The following LRRK2 variants were observed in gnomAD, a reference collection of about 807,000 sequenced individuals.
LRRK2 encodes leucine-rich repeat serine/threonine-protein kinase 2.
A neutral mutation model predicts 302.6 loss-of-function variants in LRRK2; 203 were observed. That is an observed-to-expected ratio of 0.67 (90% CI 0.60 to 0.75). The LOEUF (loss-of-function observed/expected upper bound fraction) is 0.75, where lower values mean the gene tolerates loss of function less well. LRRK2 is among the 30% of genes least tolerant of loss of function. The pLI is 0.00. For missense variants in LRRK2, 2,830 were observed against 2,951.0 expected (o/e 0.96, Z 0.95); for synonymous variants, 1,066 against 1,031.9 (o/e 1.03, Z -0.63).
intron 27 of LRRK2, chr12:40,304,345 A>G (rs777482051): frequency 1.5e-5 from 9 of 595,998 alleles, no homozygotes; most frequent in East Asian, 2.8e-5. Flanking sequence ...TTTAATTTCC[A>G]TTCTCACACC....
At chr12:40,291,196 G>A (rs920412121) in intron 20 of LRRK2, among the ~76,000 whole-genome samples, 5 of 150,996 alleles carry the variant, frequency 3.3e-5, no homozygotes, top group East Asian at 1.9e-4. Context: ...ACCAAACACC[G>A]CATGTTCTCA....
Position 40,253,031 on chromosome 12 carries a change from A to G in LRRK2, c.1288+15A>G. 1.3e-6 allele frequency: 2 copies of G among 1,521,060 alleles called. No individual in the cohort carries two copies. The highest frequency in any genetic ancestry group is 1.1e-5 in the South Asian group (1 of 89,092). 94.2% of individuals were successfully genotyped at this position (1,521,060 alleles called of 1,614,324 possible). ...AGAACAAAATGGTAAGCAGTGGGCC[A>G]TGTTTTCAAATAAAGGGAAACACAT... On this transcript the variant is annotated intron_variant, in intron 11 of 50. Coordinates refer to ENST00000298910, the MANE Select transcript of LRRK2 (RefSeq NM_198578.4).
In LRRK2 at chr12:40,283,892, C is replaced by A; in HGVS notation, c.2259C>A (p.Ser753Arg). 1 of 1,612,540 alleles carries A rather than the reference C, an allele frequency of 6.2e-7. No homozygotes were observed. The highest frequency in any genetic ancestry group is 8.5e-7 in the Non-Finnish European group (1 of 1,179,006). Residue 753 changes from serine to arginine, a missense_variant, in exon 19 of 51, where the codon AGC becomes AGA. Around this residue, in one of 3 missense-constraint regions of LRRK2, gnomAD observed 2,121 missense variants for 2,148.0 expected, o/e 0.99. Coordinates refer to ENST00000298910, the MANE Select transcript of LRRK2 (RefSeq NM_198578.4). ...SLICQVCEKE[S>R]SPKLVELLLN... ...TTTAATAGGTATGTGAGAAAGAGAG[C>A]AGTCCCAAATTGGTGGAACTCTTAC...
chr12:40,230,845 C>T (rs1253301115), intron 2 of LRRK2, among the ~76,000 whole-genome samples: 3 of 151,888 alleles, frequency 2.0e-5, no homozygotes, highest in Non-Finnish European at 2.9e-5. Flanking sequence ...GCAACTTAGT[C>T]AAGTTGGCAT....
intron 24 of LRRK2, among the ~76,000 whole-genome samples, chr12:40,298,887 T>TTATA (rs1555185394): frequency 2.3e-4 from 2 of 8,598 alleles, no homozygotes; most frequent in African/African-American, 4.2e-4. Flanking sequence ...TATATAATAC[T>TTATA]TATTATATAT....
intron 16 of LRRK2, 57 bp from the exon 17 acceptor site, chr12:40,277,831 G>A (rs1308418164): frequency 3.5e-6 from 5 of 1,443,086 alleles, no homozygotes; most frequent in South Asian, 2.4e-5. Flanking sequence ...GCTTTATACT[G>A]TTTATTCATT....
chr12:40,305,961 C>G lies in LRRK2; in HGVS notation c.3954C>G (p.Ile1318Met). 6.2e-7 allele frequency: 1 copy of G among 1,605,396 alleles called. No individual in the cohort carries two copies. Among genetic ancestry groups the G allele is most frequent in the Non-Finnish European group, 8.5e-7 (1 of 1,174,026 alleles). The change falls in exon 28 of 51, where the codon ATC becomes ATG. Residue 1318 changes from isoleucine to methionine, a missense_variant. By Grantham distance (10) the Ile-to-Met change is conservative. This residue lies in a region of LRRK2 where 2,121 missense variants were observed against 2,148.0 expected (regional missense o/e 0.99). Transcript: ENST00000298910. The stretch of plus-strand genomic sequence containing the variant: ...ATATAGGATGTAAAGCCAAAGACAT[C>G]ATAAGGTTAGATAATTTTTTTCTAT... ...FKHIGCKAKD[I>M]IRFLQQRLKK...
At chr12:40,247,280 A>G (rs561252181) in intron 7 of LRRK2, among the ~76,000 whole-genome samples, 1 of 152,028 alleles carries the variant, frequency 6.6e-6, no homozygotes, top group South Asian at 2.1e-4. Flanking sequence ...TACATGCACA[A>G]CTTTAGTTTG....
chr12:40,306,354 C>G (rs1944823864), intron 28 of LRRK2, among the ~76,000 whole-genome samples: 1 of 152,170 alleles, frequency 6.6e-6, no homozygotes, highest in Non-Finnish European at 1.5e-5. Flanking sequence ...CCTCTTACAT[C>G]TTAAAGCATT....
intron 46 of LRRK2, among the ~76,000 whole-genome samples, 191 bp from the exon 47 acceptor site, chr12:40,359,069 G>A (rs1946626329): frequency 1.3e-5 from 2 of 151,728 alleles, no homozygotes; most frequent in African/African-American, 4.8e-5. Context: ...TGTTGATTTT[G>A]AATCCTTTAC....
chr12:40,250,987 C>T (rs1436301835), intron 8 of LRRK2, among the ~76,000 whole-genome samples: 1 of 150,714 alleles, frequency 6.6e-6, no homozygotes, highest in African/African-American at 2.4e-5. Context: ...AAATAATCCT[C>T]CTCTCGTCTA....
intron 31 of LRRK2, chr12:40,312,685 C>G (rs911435806): frequency 2.6e-5 from 4 of 152,062 alleles, no homozygotes; most frequent in Admixed American, 2.6e-4. Context: ...TGACAATACT[C>G]CTTTTAATCT....
In LRRK2 at chr12:40,321,039, C is replaced by G; in HGVS notation, c.5021C>G (p.Ser1674Cys). 3 of 1,612,536 alleles carry G rather than the reference C, an allele frequency of 1.9e-6. No individual in the cohort carries two copies. Among genetic ancestry groups the G allele is most frequent in the South Asian group, 2.2e-5 (2 of 91,036 alleles). The change falls in exon 35 of 51, where the codon TCT becomes TGT. Residue 1674 changes from serine to cysteine, a missense_variant. By Grantham distance (112) the Ser-to-Cys change is moderately radical. Transcript: ENST00000298910. ...EEYLLVPSSL[S>C]DHRPVIELPH... The stretch of plus-strand genomic sequence containing the variant: ...TAGTGTCCTTTTGCCTTTAGTTTGT[C>G]TGACCACAGGCCTGTGATAGAGCTT...
At chr12:40,231,807 A>ATT (rs1491210974) in intron 2 of LRRK2, among the ~76,000 whole-genome samples, 6 of 146,858 alleles carry the variant, frequency 4.1e-5, no homozygotes, top group Non-Finnish European at 9.0e-5. Context: ...ATATATATAT[A>ATT]ATATATATAT....
rs759910605 is a variant in LRRK2 at position 40,232,389 on chromosome 12, T to C, written c.347+6T>C. ...GAAGTCCTTGGTGTTCACCAGTAAG[T>C]ATGATAGATATGTAAAACAAATGGC... On this transcript the variant is annotated splice_donor_region_variant and intron_variant, in intron 3 of 50. Coordinates refer to ENST00000298910, the MANE Select transcript of LRRK2 (RefSeq NM_198578.4). The C allele has an allele frequency of 8.8e-6, 14 of 1,590,418 alleles. No homozygotes were observed. The highest frequency in any genetic ancestry group is 1.3e-5 in the African/African-American group (1 of 74,388).
chr12:40,364,761 T>C, intron 48 of LRRK2, 81 bp from the exon 49 acceptor site: 1 of 1,110,308 alleles, frequency 9.0e-7, no homozygotes, highest in Non-Finnish European at 1.3e-6. Context: ...TAATTTAAAA[T>C]GTTGTTTATG....
chr12:40,348,638 C>A, intron 43 of LRRK2, 129 bp downstream of exon 43: 1 of 690,074 alleles, frequency 1.4e-6, no homozygotes, highest in Non-Finnish European at 2.4e-6. Context: ...AGTTATAAGG[C>A]AAACCTCCTA....
chr12:40,356,021 T>C (rs1208534883), intron 45 of LRRK2, 94 bp from the exon 46 acceptor site: 4 of 743,746 alleles, frequency 5.4e-6, no homozygotes, highest in Non-Finnish European at 6.9e-6. Flanking sequence ...TTGAGAAGTC[T>C]ATCTAAAGTT....
intron 3 of LRRK2, among the ~76,000 whole-genome samples, chr12:40,233,738 T>C (rs575381029): frequency 6.6e-6 from 1 of 152,340 alleles, no homozygotes; most frequent in Non-Finnish European, 1.5e-5. Context: ...AGGGAGTGTT[T>C]GGGAAACTCA....
Sources: allele counts gnomAD v4.1 joint callset (sites outside exome capture counted in the v4.1 genomes callset), GRCh38; gene constraint gnomAD v4.1.1; regional missense constraint gnomAD v4.1.1; transcripts MANE v1.5; gene names NCBI Gene and HGNC (gene_info 2026-07-23, HGNC 2026-07-21).